The following OSBPL1A variants were observed in gnomAD, a reference collection of about 807,000 sequenced individuals.
OSBPL1A encodes the protein oxysterol-binding protein-related protein 1.
Under a neutral mutation model 137.1 loss-of-function variants are expected in OSBPL1A, and 80 were observed. That is an observed-to-expected ratio of 0.58 (90% confidence interval 0.49 to 0.70). The LOEUF (loss-of-function observed/expected upper bound fraction) is 0.70, where lower values mean the gene tolerates loss of function less well. Ranked by LOEUF, OSBPL1A falls within the 30% of genes least tolerant of loss-of-function variation. The probability of loss-of-function intolerance (pLI) is 0.00; values close to 1 mark genes in which losing one functional copy is unlikely to be tolerated. For synonymous variants in OSBPL1A, 365 were observed against 389.7 expected, an observed-to-expected ratio of 0.94 and a Z score of 0.75; for missense variants, 970 against 1,129.4, an observed-to-expected ratio of 0.86 and a Z score of 2.02.
chr18:24,377,575 C>T (rs763481132), intron 1 of OSBPL1A, 40 bp from the exon 2 acceptor site: 16 of 1,538,310 alleles, frequency 1.0e-5, no homozygotes, highest in Non-Finnish European at 1.3e-5. Context: ...TATTTAAGAA[C>T]ATAATTAGCT....
intron 17 of OSBPL1A, among the ~76,000 whole-genome samples, chr18:24,209,716 A>T (rs1208537874): frequency 6.6e-6 from 1 of 152,256 alleles, no homozygotes; most frequent in African/African-American, 2.4e-5. Context: ...AAGAGCAACG[A>T]TATATACAAT....
Position 24,163,168 on chromosome 18 carries a change from T to G in OSBPL1A, c.*11A>C. The G allele has an allele frequency of 1.1e-5, 18 of 1,580,322 alleles. No individual in the cohort carries two copies. The highest frequency in any genetic ancestry group is 1.6e-5 in the Non-Finnish European group (18 of 1,150,250). ...TTGTAGATTAGCCAAACACCCTGAC[T>G]TGTATGCATTTTAATAAATGTCAGG... is the stretch of plus-strand genomic sequence containing the variant. On this transcript the variant is annotated 3_prime_UTR_variant, in exon 28 of 28. Coordinates refer to ENST00000319481, the MANE Select transcript of OSBPL1A (RefSeq NM_080597.4).
intron 7 of OSBPL1A, among the ~76,000 whole-genome samples, chr18:24,325,062 G>C (rs1490985865): frequency 1.3e-5 from 2 of 151,766 alleles, no homozygotes; most frequent in Non-Finnish European, 2.9e-5. Context: ...CTCCAGCCTG[G>C]GTGACAGAGC....
rs188346481 is a variant in OSBPL1A, at chr18:24,208,785, G to A, written c.1602-12585C>T. Among the ~76,000 whole-genome samples, 11 of 152,136 alleles carry A rather than the reference G, an allele frequency of 7.2e-5. No individual in the cohort carries two copies. In the East Asian group the frequency reaches 1.2e-3, roughly 16 times the overall value. The stretch of plus-strand genomic sequence containing the variant: ...ATCTAGAATGAGTAAACTGTCCCGC[G>A]CACATTTACAATGAGAAACAATTAT... On this transcript the variant is annotated intron_variant, in intron 17 of 27. Transcript: ENST00000319481.
intron 4 of OSBPL1A, among the ~76,000 whole-genome samples, chr18:24,361,996 CAAAAAAAAAAAAA>C (rs200189504): frequency 2.0e-3 from 106 of 52,192 alleles, no homozygotes; most frequent in East Asian, 0.018. Flanking sequence ...GACTCCATCT[CAAAAAAAAAAAAA>C]AAAAAAAAAA....
chr18:24,178,383 CCAGGTT>C (rs1410133882), intron 20 of OSBPL1A, among the ~76,000 whole-genome samples, 188 bp from the exon 21 acceptor site: 1 of 152,072 alleles, frequency 6.6e-6, no homozygotes, highest in East Asian at 1.9e-4. Context: ...CCCCTGCCTC[CCAGGTT>C]CAAGCACTTC....
chr18:24,261,194 T>C (rs2089438386), intron 15 of OSBPL1A, among the ~76,000 whole-genome samples: 1 of 152,150 alleles, frequency 6.6e-6, no homozygotes, highest in South Asian at 2.1e-4. Context: ...TATAAAATTT[T>C]AGAAAATTCC....
chr18:24,368,257 A>G (rs779282852), intron 3 of OSBPL1A, 30 bp downstream of exon 3: 1 of 1,489,488 alleles, frequency 6.7e-7, no homozygotes, highest in Non-Finnish European at 9.3e-7. Context: ...TATTTACTGT[A>G]GTCATTAAAA....
chr18:24,209,715 G>A (rs951517186), intron 17 of OSBPL1A, among the ~76,000 whole-genome samples: 1 of 152,208 alleles, frequency 6.6e-6, no homozygotes, highest in Non-Finnish European at 1.5e-5. Context: ...AAAGAGCAAC[G>A]ATATATACAA....
chr18:24,318,714 A>C lies in OSBPL1A; in HGVS notation c.687+34T>G, dbSNP rs372775717. On this transcript the variant is annotated intron_variant, in intron 8 of 27. Transcript: ENST00000319481. The stretch of plus-strand genomic sequence containing the variant: ...AAACATTCAAAAATTTTTTTCTAAA[A>C]ATTATTAGATAAATTTAATTCATTA... 1.9e-6 allele frequency: 3 copies of C among 1,594,242 alleles called. No homozygotes were observed. In the African/African-American group the frequency reaches 4.1e-5, roughly 22 times the overall value.
intron 17 of OSBPL1A, among the ~76,000 whole-genome samples, chr18:24,210,286 G>C: frequency 6.6e-6 from 1 of 151,918 alleles, no homozygotes; most frequent in East Asian, 1.9e-4. Flanking sequence ...TTAGCCAGGC[G>C]TGGTGGTGGG....
chr18:24,364,094 G>T (rs985974449), intron 4 of OSBPL1A, among the ~76,000 whole-genome samples: 10 of 152,150 alleles, frequency 6.6e-5, no homozygotes, highest in Non-Finnish European at 1.3e-4. Flanking sequence ...ACAAGTTTTG[G>T]GGGATTAGGA....
Position 24,271,839 on chromosome 18 carries a change from C to T in OSBPL1A, c.1281+9003G>A. The T allele has an allele frequency of 3.0e-6, 3 of 985,398 alleles. No homozygotes were observed. Among genetic ancestry groups the T allele is most frequent in the Non-Finnish European group, 3.6e-6 (3 of 830,008 alleles). 61.0% of individuals were successfully genotyped at this position (985,398 alleles called of 1,614,324 possible). ...GCCGGGCAGCAGCGCCAGCCTTCCC[C>T]AGCGAGGTCGGGCAGAGGCGTTGCC... On this transcript the variant is annotated intron_variant, in intron 15 of 27. Transcript: ENST00000319481. The surrounding 1 kb of genome is among the most constrained non-coding windows in gnomAD (Gnocchi z 4.0).
chr18:24,288,776 A>G (rs999360834), intron 14 of OSBPL1A, among the ~76,000 whole-genome samples: 1 of 152,076 alleles, frequency 6.6e-6, no homozygotes, highest in African/African-American at 2.4e-5. Context: ...AAAAAAAAAA[A>G]AAAAATTGTG....
intron 17 of OSBPL1A, among the ~76,000 whole-genome samples, chr18:24,213,571 GATA>G (rs978153106): frequency 3.3e-5 from 5 of 151,714 alleles, no homozygotes; most frequent in Non-Finnish European, 5.9e-5. Context: ...GTCTCAAAAT[GATA>G]ATAATAATAA....
chr18:24,163,978 C>T (rs1045721906), intron 27 of OSBPL1A, among the ~76,000 whole-genome samples: 5 of 152,172 alleles, frequency 3.3e-5, no homozygotes, highest in Non-Finnish European at 7.4e-5. Context: ...GATCTGCCCA[C>T]CTCGGCCTCC....
intron 4 of OSBPL1A, among the ~76,000 whole-genome samples, chr18:24,346,844 A>G (rs2091353906): frequency 6.6e-6 from 1 of 151,484 alleles, no homozygotes; most frequent in Admixed American, 6.6e-5. Context: ...GGCTCAAGAG[A>G]TCTTCCAACC....
chr18:24,339,275 A>G (rs763356742), intron 5 of OSBPL1A, among the ~76,000 whole-genome samples: 3 of 152,130 alleles, frequency 2.0e-5, no homozygotes, highest in African/African-American at 4.8e-5. Flanking sequence ...CCCAGCCCCT[A>G]TGACATGGTT....
At chr18:24,294,860 G>A (rs2090260938) in intron 14 of OSBPL1A, among the ~76,000 whole-genome samples, 1 of 152,166 alleles carries the variant, frequency 6.6e-6, no homozygotes, top group African/African-American at 2.4e-5. Context: ...ATTGTGAATT[G>A]TGCTGCTGTG....
Sources: allele counts gnomAD v4.1 joint callset (sites outside exome capture counted in the v4.1 genomes callset), GRCh38; gene constraint gnomAD v4.1.1; non-coding constraint Gnocchi (gnomAD v3.1); transcripts MANE v1.5; gene names NCBI Gene and HGNC (gene_info 2026-07-23, HGNC 2026-07-21).